Variants in RNLS observed in about 807,000 individuals in gnomAD.
The protein encoded by RNLS is renalase, FAD dependent amine oxidase, also known as renalase.
In RNLS, 39 loss-of-function variants were observed where a neutral mutation model predicts 39.8. That is an observed-to-expected ratio of 0.98 (90% CI 0.76 to 1.28). The LOEUF is 1.28. Ranked by LOEUF, RNLS falls within the 50% of genes most tolerant of loss-of-function variation. The pLI, the probability that RNLS is intolerant of heterozygous loss-of-function variation, is 0.00. For missense variants in RNLS, 410 were observed against 413.3 expected (o/e 0.99, Z 0.07); for synonymous variants, 147 against 150.7 (o/e 0.98, Z 0.18).
chr10:88,203,335 TAC>T, the RNLS span, among the ~76,000 whole-genome samples: 203 of 6,120 alleles, frequency 0.033, 40 homozygotes, highest in African/African-American at 0.11. Flanking sequence ...TATATATATA[TAC>T]ACGTATGTGT....
Position 88,380,363 on chromosome 10 carries a change from CTTTTTTTTT to C in RNLS, c.527-17647_527-17639del, listed in dbSNP as rs10565402. ...ATTTTTTAGTCTTGGGGTTTTGTAT[CTTTTTTTTT>C]TTTTTTTTTTTTTTTTTTGAGACGA... On this transcript the variant is annotated intron_variant, in intron 4 of 6. Coordinates refer to ENST00000331772, the MANE Select transcript of RNLS (RefSeq NM_001031709.3). Among the ~76,000 whole-genome samples the C allele has an allele frequency of 2.3e-3, 169 of 73,112 alleles. 1 individual carries two copies. The highest frequency in any genetic ancestry group is 3.5e-3 in the African/African-American group (66 of 18,824). The allele number at this position is 73,112 out of a possible 152,430, so 48.0% of individuals were successfully genotyped here. A position where few individuals can be genotyped will look rare whatever the true frequency, so the allele number is the denominator to read the frequency against.
intron 4 of RNLS, among the ~76,000 whole-genome samples, chr10:88,516,336 T>C (rs1846404902): frequency 6.6e-6 from 1 of 152,072 alleles, no homozygotes; most frequent in Non-Finnish European, 1.5e-5. Flanking sequence ...AAAATTATAA[T>C]TCTTTATTTT....
chr10:88,489,894 C>T (rs1844788273), intron 4 of RNLS, among the ~76,000 whole-genome samples: 1 of 152,148 alleles, frequency 6.6e-6, no homozygotes, highest in Admixed American at 6.6e-5. Context: ...GACTGAACCC[C>T]TAACTCTTTT....
At chr10:88,246,014 C>G in the RNLS span, among the ~76,000 whole-genome samples, 1 of 152,182 alleles carries the variant, frequency 6.6e-6, no homozygotes, top group Non-Finnish European at 1.5e-5. Flanking sequence ...TTTGTTTTGG[C>G]TAGAATTGCA....
chr10:88,426,561 T>C lies in RNLS; in HGVS notation c.527-63836A>G, dbSNP rs34483367. On this transcript the variant is annotated intron_variant, in intron 4 of 6. Transcript: ENST00000331772. Reference sequence around the variant, plus strand: ...AGAAGAGAAAAAAGATGAAGAAATTTTGTTATTTCTAATTGCTAGCATTTA... The same window carrying C: ...AGAAGAGAAAAAAGATGAAGAAATTCTGTTATTTCTAATTGCTAGCATTTA... 3.4e-3 allele frequency among the ~76,000 whole-genome samples: 512 copies of C among 152,152 alleles called. 2 individuals carry two copies. Among genetic ancestry groups the C allele is most frequent in the Non-Finnish European group, 5.8e-3 (396 of 67,968 alleles).
At chr10:88,222,072 T>C in the RNLS span, among the ~76,000 whole-genome samples, 1 of 152,190 alleles carries the variant, frequency 6.6e-6, no homozygotes, top group East Asian at 1.9e-4. Context: ...AGGGGTTGGG[T>C]TTTTTAATTA....
At chr10:88,408,906 T>G (rs187866377) in intron 4 of RNLS, among the ~76,000 whole-genome samples, 133 of 152,216 alleles carry the variant, frequency 8.7e-4, no homozygotes, top group African/African-American at 3.1e-3. Flanking sequence ...AAAGTTAGAT[T>G]TGTTTTAATT....
At chr10:88,491,005 T>C (rs189609013) in intron 4 of RNLS, among the ~76,000 whole-genome samples, 1 of 152,302 alleles carries the variant, frequency 6.6e-6, no homozygotes, top group East Asian at 1.9e-4. Flanking sequence ...AGCCACGCCA[T>C]GTTAATTTTT....
At chr10:88,439,122 T>C (rs1342644017) in intron 4 of RNLS, among the ~76,000 whole-genome samples, 1 of 152,184 alleles carries the variant, frequency 6.6e-6, no homozygotes, top group East Asian at 1.9e-4. Flanking sequence ...CTTTCTCATA[T>C]ATCAAAACCC....
At chr10:88,572,211 TG>T (rs1245689629) in intron 4 of RNLS, among the ~76,000 whole-genome samples, 1 of 152,060 alleles carries the variant, frequency 6.6e-6, no homozygotes, top group Non-Finnish European at 1.5e-5. Context: ...GAGTCTACTT[TG>T]GGGAAAGATA....
intron 4 of RNLS, chr10:88,545,601 C>T (rs1285061060): frequency 1.1e-5 from 4 of 380,718 alleles, no homozygotes; most frequent in Admixed American, 2.9e-5. Flanking sequence ...TCCCATGACA[C>T]GTGGGGATTA....
intron 4 of RNLS, among the ~76,000 whole-genome samples, chr10:88,533,663 G>A (rs1277205067): frequency 6.6e-6 from 1 of 152,060 alleles, no homozygotes; most frequent in Non-Finnish European, 1.5e-5. Flanking sequence ...CCCTTAAAGG[G>A]CTTCTATAGA....
intron 4 of RNLS, among the ~76,000 whole-genome samples, chr10:88,560,672 T>G (rs1156358452): frequency 1.3e-5 from 2 of 152,062 alleles, no homozygotes; most frequent in Non-Finnish European, 2.9e-5. Context: ...GGCTATGTAC[T>G]TGCTGAACTG....
chr10:88,381,194 C>A (rs947253486), intron 4 of RNLS, among the ~76,000 whole-genome samples: 2 of 152,110 alleles, frequency 1.3e-5, no homozygotes, highest in Middle Eastern at 3.2e-3. Flanking sequence ...TAAGTCACAG[C>A]CTTGCTTTGA....
downstream of RNLS, among the ~76,000 whole-genome samples, chr10:88,282,284 A>G (rs188401893): frequency 4.0e-3 from 616 of 152,178 alleles, 4 homozygotes; most frequent in African/African-American, 0.014. Context: ...TTTAATTAGC[A>G]TGTTCATCTG....
the RNLS span, among the ~76,000 whole-genome samples, chr10:88,186,043 G>A: frequency 2.0e-5 from 3 of 152,246 alleles, no homozygotes; most frequent in Middle Eastern, 3.4e-3. Flanking sequence ...GAGATTATGA[G>A]TGGAGACCAG....
intron 4 of RNLS, among the ~76,000 whole-genome samples, chr10:88,533,632 T>C (rs773860597): frequency 7.9e-5 from 12 of 152,012 alleles, no homozygotes; most frequent in Non-Finnish European, 1.6e-4. Flanking sequence ...TGAAGTGGGA[T>C]TTGACTAACG....
intron 5 of RNLS, among the ~76,000 whole-genome samples, chr10:88,345,837 T>C (rs887824592): frequency 1.2e-4 from 19 of 152,148 alleles, no homozygotes; most frequent in African/African-American, 4.3e-4. Context: ...TTTTAATCTA[T>C]AAAGACAGCA....
At chr10:88,335,210 T>C (rs1222798448) in intron 5 of RNLS, among the ~76,000 whole-genome samples, 1 of 151,746 alleles carries the variant, frequency 6.6e-6, no homozygotes, top group Non-Finnish European at 1.5e-5. Flanking sequence ...AGCTTTCTTT[T>C]CTTTTACTTT....
Sources: gnomAD v4.1 joint callset for allele counts (sites outside exome capture counted in the v4.1 genomes callset) on GRCh38, gnomAD v4.1.1 for gene constraint, MANE v1.5 for transcripts, NCBI Gene and HGNC (gene_info 2026-07-23, HGNC 2026-07-21) for gene names.